The following ERCC2 variants were observed in gnomAD, a reference collection of about 807,000 sequenced individuals.
The protein encoded by ERCC2 is general transcription and DNA repair factor IIH helicase subunit XPD.
In ERCC2, 90 loss-of-function variants were observed where a neutral mutation model predicts 99.4. That is an observed-to-expected ratio of 0.91 (90% CI 0.76 to 1.08). The LOEUF (loss-of-function observed/expected upper bound fraction) is 1.08, where lower values mean the gene tolerates loss of function less well. ERCC2 is among the 50% of genes least tolerant of loss of function. The pLI is 0.00. For synonymous variants in ERCC2, 497 were observed against 432.4 expected (o/e 1.15, Z -1.85); for missense variants, 993 against 1,038.1 (o/e 0.96, Z 0.60).
At position 45,350,650 on chromosome 19, in the gene ERCC2, C is replaced by A; in HGVS notation, c.*979G>T. 1.9e-6 allele frequency: 3 copies of A among 1,613,400 alleles called. No individual in the cohort carries two copies. Among genetic ancestry groups the A allele is most frequent in the Non-Finnish European group, 2.5e-6 (3 of 1,179,586 alleles). ...CCCGGCCCCTCCCCAGGCCCTTCGCCGCAGCAGCTCACTCTCCAAGATCCG... is the reference window on the plus strand; with the variant it reads ...CCCGGCCCCTCCCCAGGCCCTTCGCAGCAGCAGCTCACTCTCCAAGATCCG... On this transcript the variant is annotated 3_prime_UTR_variant, in exon 23 of 23. Transcript: ENST00000391945.
chr19:45,364,384 G>A, intron 8 of ERCC2, 40 bp downstream of exon 8: 1 of 1,613,856 alleles, frequency 6.2e-7, no homozygotes, highest in Non-Finnish European at 8.5e-7. Context: ...GCCTCACTCA[G>A]AGGGGCTGGC....
chr19:45,352,966 C>T, intron 19 of ERCC2, 117 bp downstream of exon 19: 1 of 1,258,336 alleles, frequency 7.9e-7, no homozygotes, highest in South Asian at 1.2e-5. Context: ...GGGGAGGGCC[C>T]CTCTGTGCAC....
At chr19:45,365,820 A>AG (rs2123299761) in intron 5 of ERCC2, among the ~76,000 whole-genome samples, 1 of 151,958 alleles carries the variant, frequency 6.6e-6, no homozygotes, top group African/African-American at 2.4e-5. Context: ...AAATTGTTAC[A>AG]TTCTTACAAC....
chr19:45,366,022 A>AG (rs1972414885), intron 5 of ERCC2, among the ~76,000 whole-genome samples: 1 of 151,540 alleles, frequency 6.6e-6, no homozygotes, highest in African/African-American at 2.4e-5. Flanking sequence ...TTCTTAGTTG[A>AG]GATGAGGTCT....
intron 21 of ERCC2, 39 bp from the exon 22 acceptor site, chr19:45,352,391 C>CG: frequency 1.2e-6 from 2 of 1,613,586 alleles, no homozygotes; most frequent in Non-Finnish European, 1.7e-6. Flanking sequence ...GAAGGTCATT[C>CG]GGGGAGCCTG....
intron 1 of ERCC2, 148 bp downstream of exon 1, chr19:45,370,388 G>T: frequency 6.7e-7 from 1 of 1,503,542 alleles, no homozygotes; most frequent in South Asian, 1.2e-5. Flanking sequence ...GTGTCTCCTC[G>T]CTATCACTGC....
chr19:45,351,428 G>T lies in ERCC2; in HGVS notation c.*201C>A. 6.3e-7 allele frequency: 1 copy of T among 1,591,734 alleles called. No homozygotes were observed. On this transcript the variant is annotated 3_prime_UTR_variant, in exon 23 of 23. Transcript: ENST00000391945. ...GAGGGATGGGCTGGTGGGGTGAGAG[G>T]GGGTCTATCATCTCCTGGCCCCCCC...
chr19:45,354,964 A>G, intron 16 of ERCC2, 113 bp from the exon 17 acceptor site: 1 of 1,373,636 alleles, frequency 7.3e-7, no homozygotes, highest in Non-Finnish European at 1.0e-6. Context: ...GGCTTTTCAC[A>G]CATATCCCCC....
chr19:45,369,253 G>A (rs1972528209), intron 2 of ERCC2, 106 bp from the exon 3 acceptor site: 4 of 847,002 alleles, frequency 4.7e-6, no homozygotes, highest in Non-Finnish European at 8.1e-6. Flanking sequence ...CAGAACAGCA[G>A]GATAACACAG....
chr19:45,370,064 A>T (rs1972552607), intron 2 of ERCC2, 69 bp downstream of exon 2: 1 of 1,450,986 alleles, frequency 6.9e-7, no homozygotes, highest in Admixed American at 1.7e-5. Flanking sequence ...ACGTCCTGCA[A>T]TCTGTCTTAG....
intron 2 of ERCC2, 44 bp from the exon 3 acceptor site, chr19:45,369,191 C>A: frequency 6.5e-7 from 1 of 1,546,640 alleles, no homozygotes; most frequent in African/African-American, 1.4e-5. Flanking sequence ...GGTCTCAGAA[C>A]CTTGGGCACA....
At position 45,352,593 on chromosome 19, in the gene ERCC2, G is replaced by C. The variant is rs752638680; in HGVS notation, c.1959C>G (p.Thr653=). ...QFQIRENDFL[T]FDAMRHAAQC... Reference sequence around the variant, plus strand: ...GGGCCGCGTGGCGCATGGCATCGAAGGTAAGAAAGTCATTCTCACGAATCT... The same window carrying C: ...GGGCCGCGTGGCGCATGGCATCGAACGTAAGAAAGTCATTCTCACGAATCT... The change falls in exon 21 of 23, where the codon ACC becomes ACG. Residue 653 remains threonine, a synonymous_variant. Transcript: ENST00000391945. The C allele has an allele frequency of 6.2e-7, 1 of 1,614,038 alleles. No individual in the cohort carries two copies. Among genetic ancestry groups the C allele is most frequent in the Non-Finnish European group, 8.5e-7 (1 of 1,180,038 alleles).
intron 15 of ERCC2, among the ~76,000 whole-genome samples, chr19:45,356,502 G>C (rs3916860): frequency 0.017 from 2,554 of 152,248 alleles, 43 homozygotes; most frequent in Non-Finnish European, 0.026. Flanking sequence ...TCTAAAGGCT[G>C]GAAAATTCTG....
At chr19:45,363,069 C>G (rs1381190795) in intron 11 of ERCC2, among the ~76,000 whole-genome samples, 2 of 152,140 alleles carry the variant, frequency 1.3e-5, no homozygotes, top group Non-Finnish European at 2.9e-5. Flanking sequence ...AGTAAAGACC[C>G]GACTCCTTGG....
intron 15 of ERCC2, 88 bp from the exon 16 acceptor site, chr19:45,355,816 T>G (rs74741269): frequency 1.0e-5 from 2 of 200,414 alleles, no homozygotes; most frequent in Non-Finnish European, 1.4e-5. Flanking sequence ...GTTCTAAGCT[T>G]TTTTTTTTTT....
chr19:45,352,336 T>C lies in ERCC2; in HGVS notation c.2063A>G (p.Asp688Gly). 6.2e-7 allele frequency: 1 copy of C among 1,613,976 alleles called. No homozygotes were observed. The highest frequency in any genetic ancestry group is 8.5e-7 in the Non-Finnish European group (1 of 1,180,010). Reference sequence around the variant, plus strand: ...CCAGCGGGGCAGCTTCCCCCGCTTGTCCCCACGGGCAAACCGCTGTGGGCA... The same window carrying C: ...CCAGCGGGGCAGCTTCCCCCGCTTGCCCCCACGGGCAAACCGCTGTGGGCA... The part of the protein sequence containing the change: ...VFADKRFARG[D>G]KRGKLPRWIQ... Residue 688 changes from aspartate (D) to glycine (G), a missense_variant, in exon 22 of 23, where the codon GAC (aspartate) becomes GGC (glycine). By Grantham distance (94) the Asp-to-Gly change is moderately conservative. This residue lies in a region of ERCC2 where 909 missense variants were observed against 930.8 expected (regional missense o/e 0.98). Transcript: ENST00000391945.
chr19:45,352,162 GAGA>G, intron 22 of ERCC2, 44 bp downstream of exon 22: 1 of 1,605,828 alleles, frequency 6.2e-7, no homozygotes, highest in South Asian at 1.1e-5. Context: ...CTTTCTGGAG[GAGA>G]AGCTCAGCCT....
At chr19:45,359,966 G>A (rs1972155208) in intron 12 of ERCC2, among the ~76,000 whole-genome samples, 1 of 151,620 alleles carries the variant, frequency 6.6e-6, no homozygotes, top group Non-Finnish European at 1.5e-5. Context: ...GTAGAGACGG[G>A]GTTTCACCAT....
intron 14 of ERCC2, 24 bp downstream of exon 14, chr19:45,357,450 G>A: frequency 6.2e-7 from 1 of 1,613,500 alleles, no homozygotes. Flanking sequence ...CAGGGACTAG[G>A]AGGGGACGGG....
Sources: gnomAD v4.1 joint callset for allele counts (sites outside exome capture counted in the v4.1 genomes callset) on GRCh38, gnomAD v4.1.1 for gene constraint, gnomAD v4.1.1 regional missense constraint, MANE v1.5 for transcripts, NCBI Gene and HGNC (gene_info 2026-07-23, HGNC 2026-07-21) for gene names.